Variants in SEMA6D observed in about 807,000 individuals in gnomAD.
The protein encoded by SEMA6D is semaphorin 6D.
Under a neutral mutation model 106.6 loss-of-function variants are expected in SEMA6D, and 35 were observed. The ratio of observed to expected loss-of-function variants is 0.33; its 90% CI spans 0.25 to 0.44. The LOEUF (loss-of-function observed/expected upper bound fraction) is 0.44, where lower values mean the gene tolerates loss of function less well. Ranked by LOEUF, SEMA6D falls within the 20% of genes least tolerant of loss-of-function variation. The probability of loss-of-function intolerance (pLI) is 1.00; values close to 1 mark genes in which losing one functional copy is unlikely to be tolerated. For missense variants in SEMA6D, 1,185 were observed against 1,345.9 expected, an observed-to-expected ratio of 0.88 and a Z score of 1.87; for synonymous variants, 499 against 487.7, an observed-to-expected ratio of 1.02 and a Z score of -0.31.
intron 2 of SEMA6D, among the ~76,000 whole-genome samples, chr15:47,419,902 G>C (rs193080736): frequency 4.4e-4 from 67 of 152,228 alleles, no homozygotes; most frequent in African/African-American, 1.6e-3. Flanking sequence ...GGCTGATGTG[G>C]TGACTGATCT....
intron 3 of SEMA6D, among the ~76,000 whole-genome samples, chr15:47,499,568 A>G (rs1464313137): frequency 6.6e-6 from 1 of 152,194 alleles, no homozygotes; most frequent in Non-Finnish European, 1.5e-5. Flanking sequence ...TGACTAGGTC[A>G]TGCTTTCAGA....
intron 3 of SEMA6D, chr15:47,581,215 G>A (rs1051493208): frequency 3.1e-5 from 12 of 382,290 alleles, no homozygotes; most frequent in African/African-American, 4.3e-5. Context: ...ATCTTTTCCC[G>A]TAACGTGTCC....
chr15:47,398,087 G>T (rs943555813), intron 1 of SEMA6D, among the ~76,000 whole-genome samples: 2 of 152,114 alleles, frequency 1.3e-5, no homozygotes, highest in Non-Finnish European at 2.9e-5. Context: ...CCTTAAGAAA[G>T]ATCATTTAAT....
intron 3 of SEMA6D, among the ~76,000 whole-genome samples, chr15:47,485,845 A>G (rs994795978): frequency 2.6e-5 from 4 of 152,222 alleles, no homozygotes; most frequent in African/African-American, 9.6e-5. Flanking sequence ...TAATATGAGG[A>G]AAATAATATT....
intron 1 of SEMA6D, among the ~76,000 whole-genome samples, chr15:47,328,969 G>C (rs1007226342): frequency 6.6e-6 from 1 of 152,104 alleles, no homozygotes; most frequent in African/African-American, 2.4e-5. Flanking sequence ...TAAACTTTAA[G>C]CTTCTTATTT....
chr15:47,348,723 C>G (rs1218623522), intron 1 of SEMA6D, among the ~76,000 whole-genome samples: 3,808 of 44,600 alleles, frequency 0.085, 110 homozygotes, highest in South Asian at 0.22. Context: ...ACACACCACA[C>G]ACACAGAGAG....
At chr15:47,502,115 A>G (rs1297674812) in intron 3 of SEMA6D, among the ~76,000 whole-genome samples, 1 of 152,220 alleles carries the variant, frequency 6.6e-6, no homozygotes, top group Non-Finnish European at 1.5e-5. Flanking sequence ...ATCCAGAGAC[A>G]GATGAAATTA....
At chr15:47,264,054 A>T (rs527494019) in intron 1 of SEMA6D, among the ~76,000 whole-genome samples, 1 of 151,822 alleles carries the variant, frequency 6.6e-6, no homozygotes, top group East Asian at 2.0e-4. Flanking sequence ...AGCAACATGG[A>T]TGAAGCTGGA....
In SEMA6D at chr15:47,408,048, G is replaced by T. The variant is rs533502350; in HGVS notation, c.-238-4345G>T. On this transcript the variant is annotated intron_variant, in intron 1 of 19. Transcript: ENST00000558014. ...CTCTTAACCAAGTTATCAAGGACCTGCGGTTTTTCATTTGCGCTGTCCAAA... is the reference window on the plus strand; with the variant it reads ...CTCTTAACCAAGTTATCAAGGACCTTCGGTTTTTCATTTGCGCTGTCCAAA... Among the ~76,000 whole-genome samples, 5 of 152,130 alleles carry T rather than the reference G, an allele frequency of 3.3e-5. No homozygotes were observed. In the East Asian group the frequency reaches 7.7e-4, roughly 23 times the overall value.
intron 1 of SEMA6D, among the ~76,000 whole-genome samples, chr15:47,337,700 G>T (rs1364195310): frequency 1.3e-5 from 2 of 152,064 alleles, no homozygotes; most frequent in Admixed American, 6.5e-5. Context: ...AGAGATGAAA[G>T]CATGAAGGCT....
chr15:47,231,915 A>T (rs1257588889), intron 1 of SEMA6D, among the ~76,000 whole-genome samples: 2 of 151,992 alleles, frequency 1.3e-5, no homozygotes, highest in Non-Finnish European at 2.9e-5. Flanking sequence ...CTTTTAGTAC[A>T]TTCAAAATAT....
At chr15:47,767,784 C>T (rs910308316) in intron 17 of SEMA6D, among the ~76,000 whole-genome samples, 1 of 152,208 alleles carries the variant, frequency 6.6e-6, no homozygotes, top group African/African-American at 2.4e-5. Flanking sequence ...GAAATCAGTA[C>T]TAGACATGCT....
intron 1 of SEMA6D, among the ~76,000 whole-genome samples, chr15:47,314,325 G>A (rs1411189518): frequency 2.6e-5 from 4 of 152,024 alleles, no homozygotes; most frequent in Admixed American, 6.5e-5. Flanking sequence ...TAGACCGGGC[G>A]CGGTGGCTCA....
chr15:47,286,518 G>C (rs543541861), intron 1 of SEMA6D, among the ~76,000 whole-genome samples: 1 of 152,230 alleles, frequency 6.6e-6, no homozygotes, highest in Non-Finnish European at 1.5e-5. Context: ...TGTGAAGAGT[G>C]GCATTGTTTT....
intron 1 of SEMA6D, among the ~76,000 whole-genome samples, chr15:47,402,747 C>CTTT (rs11344225): frequency 1.1e-4 from 13 of 121,510 alleles, no homozygotes; most frequent in African/African-American, 4.0e-4. Context: ...GTGAGCCAGA[C>CTTT]TTTTTTTTTT....
rs371886493 is a variant in SEMA6D at position 47,442,629 on chromosome 15, T to C, written c.-158-27845T>C. On this transcript the variant is annotated intron_variant, in intron 2 of 19. Transcript: ENST00000558014. ...TCACAGTTTAAAGTTGTAAATATTA[T>C]GTTGACATTGTTTGGGTTACTAGCC... Among the ~76,000 whole-genome samples the C allele has an allele frequency of 1.7e-4, 26 of 152,218 alleles. No individual in the cohort carries two copies. In the East Asian group the frequency reaches 4.7e-3, roughly 27 times the overall value.
intron 1 of SEMA6D, among the ~76,000 whole-genome samples, chr15:47,232,730 G>A (rs899939614): frequency 5.4e-5 from 8 of 149,084 alleles, no homozygotes; most frequent in African/African-American, 2.0e-4. Flanking sequence ...CATATACTTT[G>A]TTTGAAAAAA....
chr15:47,661,351 AT>A (rs1286547401), intron 4 of SEMA6D, among the ~76,000 whole-genome samples: 3 of 152,174 alleles, frequency 2.0e-5, no homozygotes, highest in African/African-American at 7.2e-5. Flanking sequence ...TGATGATGTA[AT>A]CTCTGCCTAT....
intron 4 of SEMA6D, among the ~76,000 whole-genome samples, chr15:47,641,015 T>TA (rs2077478736): frequency 1.3e-5 from 2 of 152,184 alleles, no homozygotes; most frequent in African/African-American, 4.8e-5. Context: ...TCACTAGTGA[T>TA]AAAAACCTGG....
Sources: allele counts gnomAD v4.1 joint callset (sites outside exome capture counted in the v4.1 genomes callset), GRCh38; gene constraint gnomAD v4.1.1; transcripts MANE v1.5; gene names NCBI Gene and HGNC (gene_info 2026-07-23, HGNC 2026-07-21).